The following KCNT2 variants were observed in gnomAD, a reference collection of about 807,000 sequenced individuals.
KCNT2 encodes the protein potassium channel subfamily T member 2.
Under a neutral mutation model 153.8 loss-of-function variants are expected in KCNT2, and 67 were observed. The observed-to-expected ratio is 0.44, with a 90% CI of 0.36 to 0.53. The LOEUF (loss-of-function observed/expected upper bound fraction) is 0.53. Among genes scored for constraint, KCNT2 ranks in the 20% least tolerant of loss-of-function variants. KCNT2 has a pLI of 0.00. For missense variants in KCNT2, 975 were observed against 1,354.8 expected, an observed-to-expected ratio of 0.72 and a Z score of 4.40; for synonymous variants, 500 against 458.8, an observed-to-expected ratio of 1.09 and a Z score of -1.15.
chr1:196,301,716 C>T (rs1661199028), intron 22 of KCNT2, among the ~76,000 whole-genome samples: 1 of 152,006 alleles, frequency 6.6e-6, no homozygotes, highest in African/African-American at 2.4e-5. Flanking sequence ...GTGTAAGCAG[C>T]CAAGCTGGTG....
At chr1:196,486,933 A>C (rs1280466496) in intron 3 of KCNT2, among the ~76,000 whole-genome samples, 1 of 151,886 alleles carries the variant, frequency 6.6e-6, no homozygotes, top group African/African-American at 2.4e-5. Context: ...TGTTAGAAAG[A>C]CTTTTCGGTA....
intron 1 of KCNT2, among the ~76,000 whole-genome samples, chr1:196,558,453 T>G (rs966993176): frequency 1.3e-5 from 2 of 151,100 alleles, no homozygotes; most frequent in Non-Finnish European, 3.0e-5. Flanking sequence ...TGTTTTTTAC[T>G]TGTTTTTGTT....
chr1:196,592,728 CAT>C (rs956858001), intron 1 of KCNT2, among the ~76,000 whole-genome samples: 4 of 145,870 alleles, frequency 2.7e-5, no homozygotes, highest in African/African-American at 5.0e-5. Flanking sequence ...TATATATATA[CAT>C]ATATATATAT....
rs371363508 is a variant in KCNT2, at chr1:196,397,216, C to T, written c.1294+1347G>A. 2.0e-5 allele frequency among the ~76,000 whole-genome samples: 3 copies of T among 151,220 alleles called. No individual in the cohort carries two copies. The East Asian group carries it at 5.9e-4, about 30-fold the overall frequency. On this transcript the variant is annotated intron_variant, in intron 13 of 27. Coordinates refer to ENST00000294725, the MANE Select transcript of KCNT2 (RefSeq NM_198503.5). ...TACTTAGTGTTAATGTCATTACTGC[C>T]ATTCAAAAATTTTGTCATAGCAAGT...
chr1:196,469,350 C>T (rs1170280417), intron 5 of KCNT2, among the ~76,000 whole-genome samples: 4 of 151,982 alleles, frequency 2.6e-5, no homozygotes, highest in African/African-American at 4.8e-5. Context: ...AAGAAAAGTA[C>T]TAGTAAAAAT....
At chr1:196,258,050 G>C in intron 26 of KCNT2, 144 bp downstream of exon 26, 1 of 1,431,960 alleles carries the variant, frequency 7.0e-7, no homozygotes. Flanking sequence ...TAAATTTTCT[G>C]TAGGAGATCA....
intron 22 of KCNT2, among the ~76,000 whole-genome samples, chr1:196,300,638 G>C (rs964063362): frequency 1.3e-5 from 2 of 152,058 alleles, no homozygotes; most frequent in African/African-American, 4.8e-5. Context: ...TACCCCCTTT[G>C]TCCAATAATA....
At chr1:196,281,760 A>ATTT (rs1227959527) in intron 24 of KCNT2, among the ~76,000 whole-genome samples, 1 of 141,760 alleles carries the variant, frequency 7.1e-6, no homozygotes, top group Non-Finnish European at 1.6e-5. Context: ...TTCATTCAAC[A>ATTT]TTTTTTTTTT....
chr1:196,314,738 C>G (rs1176802114), intron 21 of KCNT2, among the ~76,000 whole-genome samples: 1 of 151,622 alleles, frequency 6.6e-6, no homozygotes, highest in Non-Finnish European at 1.5e-5. Flanking sequence ...TCAGCTGGAG[C>G]CTCTAGGATA....
At chr1:196,514,321 CT>C (rs1681878113) in intron 1 of KCNT2, among the ~76,000 whole-genome samples, 1 of 152,176 alleles carries the variant, frequency 6.6e-6, no homozygotes, top group African/African-American at 2.4e-5. Context: ...TTATAAATAT[CT>C]TCTGACCATT....
intron 13 of KCNT2, among the ~76,000 whole-genome samples, chr1:196,380,233 C>T (rs761653805): frequency 4.6e-5 from 7 of 152,190 alleles, no homozygotes; most frequent in South Asian, 2.1e-4. Context: ...AAGCATATGA[C>T]TTTTAAAATA....
chr1:196,368,278 C>T (rs1351584195), intron 14 of KCNT2, among the ~76,000 whole-genome samples: 2 of 152,176 alleles, frequency 1.3e-5, no homozygotes, highest in Non-Finnish European at 2.9e-5. Context: ...ATTCCAGTCT[C>T]CGGATCTCAT....
chr1:196,434,436 G>A (rs551212583), intron 8 of KCNT2, among the ~76,000 whole-genome samples: 1 of 151,834 alleles, frequency 6.6e-6, no homozygotes, highest in Non-Finnish European at 1.5e-5. Flanking sequence ...TACCAAAAAA[G>A]TCTCCTACTG....
chr1:196,244,505 A>G (rs1384499848), intron 26 of KCNT2, among the ~76,000 whole-genome samples: 1 of 152,032 alleles, frequency 6.6e-6, no homozygotes, highest in Non-Finnish European at 1.5e-5. Flanking sequence ...GGCAACATTC[A>G]CCAAAATCTG....
rs532251977 is a variant in KCNT2, at chr1:196,424,871, G to GACAC, written c.1121+977_1121+980dup. Among the ~76,000 whole-genome samples, 166 of 149,356 alleles carry GACAC rather than the reference G, an allele frequency of 1.1e-3. 3 individuals are homozygous for GACAC. The highest frequency in any genetic ancestry group is 3.9e-3 in the African/African-American group (160 of 40,778). On this transcript the variant is annotated intron_variant, in intron 11 of 27. Coordinates refer to ENST00000294725, the MANE Select transcript of KCNT2 (RefSeq NM_198503.5). ...GTTCTTTTCCAACACCCACTAGACA[G>GACAC]ACACACACACACACATACACACACA...
At chr1:196,424,260 A>G (rs1432586389) in intron 11 of KCNT2, among the ~76,000 whole-genome samples, 1 of 151,978 alleles carries the variant, frequency 6.6e-6, no homozygotes, top group Non-Finnish European at 1.5e-5. Flanking sequence ...GCTAATACCA[A>G]TAACTCAGAT....
At chr1:196,608,081 T>G (rs1665519496) in intron 1 of KCNT2, 134 bp downstream of exon 1, 1 of 757,102 alleles carries the variant, frequency 1.3e-6, no homozygotes, top group Admixed American at 1.9e-5. Context: ...AGAGTCTCTT[T>G]TACTCCCTCC....
intron 8 of KCNT2, among the ~76,000 whole-genome samples, chr1:196,447,960 G>C (rs1334379767): frequency 6.6e-6 from 1 of 150,888 alleles, no homozygotes; most frequent in Non-Finnish European, 1.5e-5. Flanking sequence ...AATGATATTA[G>C]GAAAAGTTAA....
chr1:196,384,324 A>C (rs1335808962), intron 13 of KCNT2, among the ~76,000 whole-genome samples: 1 of 152,104 alleles, frequency 6.6e-6, no homozygotes, highest in Non-Finnish European at 1.5e-5. Context: ...ATGTGAGCCC[A>C]CCCATACTCT....
Sources: gnomAD v4.1 joint callset for allele counts (sites outside exome capture counted in the v4.1 genomes callset) on GRCh38, gnomAD v4.1.1 for gene constraint, MANE v1.5 for transcripts, NCBI Gene and HGNC (gene_info 2026-07-23, HGNC 2026-07-21) for gene names.